The following ST18 variants were observed in gnomAD, a reference collection of about 807,000 sequenced individuals.
The protein encoded by ST18 is suppression of tumorigenicity 18 protein.
A neutral mutation model predicts 110.0 loss-of-function variants in ST18; 50 were observed. The ratio of observed to expected loss-of-function variants is 0.45; its 90% CI spans 0.36 to 0.58. The LOEUF (loss-of-function observed/expected upper bound fraction) is 0.58. Among genes scored for constraint, ST18 ranks in the 20% least tolerant of loss-of-function variants. The pLI is 0.00. For missense variants in ST18, 1,306 were observed against 1,280.1 expected (o/e 1.02, Z -0.31); for synonymous variants, 461 against 452.4 (o/e 1.02, Z -0.24).
chr8:52,333,340 G>A (rs552043629), intron 2 of ST18, among the ~76,000 whole-genome samples: 1 of 151,688 alleles, frequency 6.6e-6, no homozygotes, highest in South Asian at 2.1e-4. Flanking sequence ...ACAAGCAGCT[G>A]AGAGAACACC....
chr8:52,127,820 A>C lies in ST18; in HGVS notation c.2667-1680T>G, dbSNP rs560025281. On this transcript the variant is annotated intron_variant, in intron 22 of 25. Transcript: ENST00000689386. ...TAAAATGAATCTTAAATTAAAAAAA[A>C]AAAAAGGGCAGGAAAAATATTTTAG... Among the ~76,000 whole-genome samples the C allele has an allele frequency of 5.8e-4, 89 of 152,312 alleles. 1 individual carries two copies. The highest frequency in any genetic ancestry group is 2.1e-3 in the African/African-American group (86 of 41,578).
intron 14 of ST18, 23 bp from the exon 15 acceptor site, chr8:52,159,132 G>T: frequency 6.2e-7 from 1 of 1,603,170 alleles, no homozygotes; most frequent in Non-Finnish European, 8.5e-7. Context: ...GATTTGATTA[G>T]CAATTGCATG....
intron 2 of ST18, among the ~76,000 whole-genome samples, chr8:52,358,221 T>C (rs892801030): frequency 1.3e-5 from 2 of 151,734 alleles, no homozygotes; most frequent in South Asian, 4.2e-4. Context: ...AGGAGGGAAA[T>C]TTATAGCTAT....
At chr8:52,216,296 G>T (rs2084181897) in intron 6 of ST18, among the ~76,000 whole-genome samples, 1 of 152,150 alleles carries the variant, frequency 6.6e-6, no homozygotes, top group African/African-American at 2.4e-5. Flanking sequence ...CATTGGAAGG[G>T]ATACATAAAT....
chr8:52,329,012 T>A (rs963922522), intron 2 of ST18, among the ~76,000 whole-genome samples: 1 of 152,200 alleles, frequency 6.6e-6, no homozygotes, highest in African/African-American at 2.4e-5. Context: ...CATCACCTTT[T>A]GTGCCCTGAG....
At chr8:52,178,690 A>G (rs1367659576) in intron 9 of ST18, among the ~76,000 whole-genome samples, 3 of 151,122 alleles carry the variant, frequency 2.0e-5, no homozygotes, top group African/African-American at 7.3e-5. Flanking sequence ...CACCAAAACA[A>G]CAACAACAAC....
At chr8:52,389,848 G>C (rs1838653453) in intron 2 of ST18, among the ~76,000 whole-genome samples, 2 of 152,352 alleles carry the variant, frequency 1.3e-5, no homozygotes, top group African/African-American at 4.8e-5. Flanking sequence ...CCGGGTAGTG[G>C]CGCTCAGATT....
At chr8:52,315,937 C>T (rs1176062057) in intron 2 of ST18, among the ~76,000 whole-genome samples, 3 of 152,156 alleles carry the variant, frequency 2.0e-5, no homozygotes, top group Non-Finnish European at 4.4e-5. Flanking sequence ...TTTGACATTA[C>T]CCTGAAACAT....
chr8:52,360,505 C>CA lies in ST18; in HGVS notation c.-465+48822dup, dbSNP rs72050480. Among the ~76,000 whole-genome samples, 403 of 148,546 alleles carry CA rather than the reference C, an allele frequency of 2.7e-3. 12 individuals are homozygous for CA. In the East Asian group the frequency reaches 0.067, roughly 25 times the overall value. On this transcript the variant is annotated intron_variant, in intron 2 of 25. Transcript: ENST00000689386. ...GGTAGTTGGACTTCAACAAATAATG[C>CA]AAAAAAAAATTATTATACCTAAACA...
At chr8:52,129,814 G>T (rs905972010) in intron 22 of ST18, among the ~76,000 whole-genome samples, 1 of 152,100 alleles carries the variant, frequency 6.6e-6, no homozygotes, top group East Asian at 1.9e-4. Context: ...GGAGGCCAAG[G>T]TGGGCAGATC....
intron 8 of ST18, among the ~76,000 whole-genome samples, chr8:52,180,879 A>G (rs1225185824): frequency 6.6e-6 from 1 of 152,226 alleles, no homozygotes; most frequent in Non-Finnish European, 1.5e-5. Context: ...AAAAAAGTGG[A>G]AAGATGCTAC....
At chr8:52,226,439 G>C (rs1251040842) in intron 3 of ST18, among the ~76,000 whole-genome samples, 1 of 152,112 alleles carries the variant, frequency 6.6e-6, no homozygotes, top group Non-Finnish European at 1.5e-5. Flanking sequence ...CTACAGAAAG[G>C]AAATGTTCAG....
chr8:52,371,653 T>C (rs1830305050), intron 2 of ST18, among the ~76,000 whole-genome samples: 1 of 152,204 alleles, frequency 6.6e-6, no homozygotes, highest in Non-Finnish European at 1.5e-5. Flanking sequence ...TTTCCAGCAT[T>C]CCACCAAAGG....
At chr8:52,314,942 G>C (rs1183215388) in intron 2 of ST18, among the ~76,000 whole-genome samples, 1 of 152,144 alleles carries the variant, frequency 6.6e-6, no homozygotes, top group Non-Finnish European at 1.5e-5. Context: ...CTGAAGGACA[G>C]TGGACAGAGA....
chr8:52,293,451 G>A (rs1012110222), intron 2 of ST18, among the ~76,000 whole-genome samples: 13 of 152,164 alleles, frequency 8.5e-5, no homozygotes, highest in South Asian at 4.1e-4. Context: ...TTTCCTATCC[G>A]CTTAGTGTTG....
chr8:52,271,678 C>T (rs2095081551), intron 2 of ST18, among the ~76,000 whole-genome samples: 1 of 152,202 alleles, frequency 6.6e-6, no homozygotes, highest in African/African-American at 2.4e-5. Context: ...TATCTTCCTT[C>T]CTAACATATT....
chr8:52,227,312 C>T (rs1215409847), intron 3 of ST18, among the ~76,000 whole-genome samples: 1 of 152,152 alleles, frequency 6.6e-6, no homozygotes, highest in East Asian at 1.9e-4. Flanking sequence ...TAAAGCACAA[C>T]TCTTGTTCTC....
chr8:52,337,559 A>G (rs1812714123), intron 2 of ST18, among the ~76,000 whole-genome samples: 1 of 152,230 alleles, frequency 6.6e-6, no homozygotes, highest in Admixed American at 6.5e-5. Context: ...TGATGGTTCA[A>G]TTACTTAGTC....
intron 15 of ST18, among the ~76,000 whole-genome samples, chr8:52,157,005 C>T (rs546346039): frequency 3.3e-5 from 5 of 152,278 alleles, no homozygotes; most frequent in South Asian, 2.1e-4. Context: ...AAGGCTGAGG[C>T]GTGCGGCGAG....
Sources: gnomAD v4.1 joint callset for allele counts (sites outside exome capture counted in the v4.1 genomes callset) on GRCh38, gnomAD v4.1.1 for gene constraint, MANE v1.5 for transcripts, NCBI Gene and HGNC (gene_info 2026-07-23, HGNC 2026-07-21) for gene names.